Variants in NF1 observed in about 807,000 individuals in gnomAD.
NF1 encodes the protein neurofibromin 1.
In NF1, 122 loss-of-function variants were observed where a neutral mutation model predicts 325.7. That is an observed-to-expected ratio of 0.37 (90% CI 0.32 to 0.44). NF1 has a LOEUF of 0.44. NF1 is among the 20% of genes least tolerant of loss of function. NF1 has a pLI of 1.00. For synonymous variants in NF1, 1,091 were observed against 1,186.0 expected, an observed-to-expected ratio of 0.92 and a Z score of 1.65; for missense variants, 2,140 against 3,415.4, an observed-to-expected ratio of 0.63 and a Z score of 9.31.
At chr17:31,182,720 C>T (rs2143787950) in intron 8 of NF1, 55 bp downstream of exon 8, 2 of 1,513,154 alleles carry the variant, frequency 1.3e-6, no homozygotes, top group East Asian at 2.3e-5. Context: ...GTTTATTTTA[C>T]TCAAGGTGTG....
intron 14 of NF1, among the ~76,000 whole-genome samples, chr17:31,221,454 A>G (rs1035015272): frequency 6.6e-6 from 1 of 152,114 alleles, no homozygotes; most frequent in Non-Finnish European, 1.5e-5. Context: ...AGATAAGTAA[A>G]TCTTTTGCTG....
Position 31,340,559 on chromosome 17 carries a change from G to C in NF1, c.6976G>C (p.Asp2326His), listed in dbSNP as rs1374858930. 2 of 1,614,144 alleles carry C rather than the reference G, an allele frequency of 1.2e-6. No individual in the cohort carries two copies. Among genetic ancestry groups the C allele is most frequent in the Non-Finnish European group, 1.7e-6 (2 of 1,180,014 alleles). The change falls in exon 47 of 58, where the codon GAT becomes CAT. Residue 2326 changes from aspartate (D) to histidine (H), a missense_variant. By Grantham distance (81) the Asp-to-His change is moderately conservative (BLOSUM62 -1). Around this residue, in one of 10 missense-constraint regions of NF1, gnomAD observed 522 missense variants for 749.0 expected, o/e 0.70. Coordinates refer to ENST00000358273, the MANE Select transcript of NF1 (RefSeq NM_001042492.3). ...GGTAGCTGTGGCTGTGCTGCAGCTT[G>C]ATGAGGTCAACTTGTATTCAGCAGG... is the stretch of plus-strand genomic sequence containing the variant. ...FWVAVAVLQL[D>H]EVNLYSAGTA...
At chr17:31,342,937 C>T (rs1375693888) in intron 47 of NF1, 72 bp from the exon 48 acceptor site, 1 of 1,580,540 alleles carries the variant, frequency 6.3e-7, no homozygotes, top group Non-Finnish European at 8.7e-7. Flanking sequence ...CTATTGAACA[C>T]AAAATTAAGT....
intron 1 of NF1, among the ~76,000 whole-genome samples, chr17:31,129,340 CT>C (rs1915154612): frequency 6.6e-6 from 1 of 151,632 alleles, no homozygotes; most frequent in South Asian, 2.1e-4. Flanking sequence ...CCTTTTCATT[CT>C]TTTGTCTTTA....
At position 31,288,570 on chromosome 17, in the gene NF1, C is replaced by G. The variant is rs146187106; in HGVS notation, c.4835+23231C>G. Among the ~76,000 whole-genome samples, 920 of 136,668 alleles carry G rather than the reference C, an allele frequency of 6.7e-3. 14 individuals carry two copies. The highest frequency in any genetic ancestry group is 0.022 in the African/African-American group (862 of 38,474). The allele number at this position is 136,668 out of a possible 152,430, so 89.7% of individuals were successfully genotyped here. Reference sequence around the variant, plus strand: ...TTGGAGTGGGAGACAGAGTCTTGCTCTTGTCACCCAGGCTGGAGTGCAGTG... The same window carrying G: ...TTGGAGTGGGAGACAGAGTCTTGCTGTTGTCACCCAGGCTGGAGTGCAGTG... On this transcript the variant is annotated intron_variant, in intron 36 of 57. Coordinates refer to ENST00000358273, the MANE Select transcript of NF1 (RefSeq NM_001042492.3).
chr17:31,280,897 CT>C (rs573238829), intron 36 of NF1, among the ~76,000 whole-genome samples: 24 of 149,564 alleles, frequency 1.6e-4, no homozygotes, highest in Admixed American at 5.3e-4. Context: ...TTTTTATAGA[CT>C]TTTTTTTCTT....
chr17:31,247,924 C>T (rs138348825), intron 29 of NF1, among the ~76,000 whole-genome samples: 173 of 152,228 alleles, frequency 1.1e-3, no homozygotes, highest in African/African-American at 3.9e-3. Context: ...ATCATTCAGC[C>T]GGGCGTGGTG....
At chr17:31,316,711 C>T (rs986580433) in intron 36 of NF1, among the ~76,000 whole-genome samples, 1 of 152,116 alleles carries the variant, frequency 6.6e-6, no homozygotes, top group Admixed American at 6.6e-5. Flanking sequence ...TTTCAGTCAC[C>T]ATGACTGGCA....
At chr17:31,283,985 A>G (rs2068175239) in intron 36 of NF1, among the ~76,000 whole-genome samples, 1 of 152,242 alleles carries the variant, frequency 6.6e-6, no homozygotes, top group Non-Finnish European at 1.5e-5. Context: ...TTTGCCTTGT[A>G]CAACAAAGAT....
At chr17:31,317,677 C>T (rs888531052) in intron 36 of NF1, 1 of 151,972 alleles carries the variant, frequency 6.6e-6, no homozygotes, top group African/African-American at 2.4e-5. Context: ...CAGGTTTATT[C>T]TGAGTTTTAA....
At chr17:31,135,885 T>C (rs1159072829) in intron 1 of NF1, among the ~76,000 whole-genome samples, 1 of 152,080 alleles carries the variant, frequency 6.6e-6, no homozygotes, top group Non-Finnish European at 1.5e-5. Flanking sequence ...CTCTGCCATT[T>C]TCTTATGTGC....
At chr17:31,288,027 C>T (rs1239522299) in intron 36 of NF1, among the ~76,000 whole-genome samples, 1 of 151,398 alleles carries the variant, frequency 6.6e-6, no homozygotes, top group East Asian at 1.9e-4. Context: ...CACATGTATA[C>T]ATATGTAACT....
intron 12 of NF1, among the ~76,000 whole-genome samples, chr17:31,213,300 C>T (rs1481398585): frequency 6.6e-6 from 1 of 152,208 alleles, no homozygotes; most frequent in Non-Finnish European, 1.5e-5. Flanking sequence ...TATTTCTCTT[C>T]TGTAGTGACA....
At chr17:31,363,157 A>C (rs2151590703) in intron 57 of NF1, among the ~76,000 whole-genome samples, 2 of 152,264 alleles carry the variant, frequency 1.3e-5, no homozygotes. Flanking sequence ...CCTGTCACTC[A>C]ATTGTGTGTC....
intron 36 of NF1, among the ~76,000 whole-genome samples, chr17:31,312,470 G>C (rs2068901750): frequency 6.7e-6 from 1 of 149,656 alleles, no homozygotes; most frequent in South Asian, 2.1e-4. Flanking sequence ...TGTGAGCCAA[G>C]ATGGTGCCGC....
chr17:31,374,086 C>T lies in NF1; in HGVS notation c.8451C>T (p.Ser2817=), dbSNP rs547090599. 57 of 1,614,070 alleles carry T rather than the reference C, an allele frequency of 3.5e-5. No homozygotes were observed. The South Asian group carries it at 4.5e-4, about 13-fold the overall frequency. ...HCNSGRTRHG[S]ASQVQKQRSA... is the part of the protein sequence containing the mutation. ...ACAGTGGACGAACTCGCCACGGATC[C>T]GCAAGCCAAGTGCAGAAGCAAAGAA... The change falls in exon 58 of 58, where the codon TCC becomes TCT. Residue 2817 remains serine (S), a synonymous_variant. Coordinates refer to ENST00000358273, the MANE Select transcript of NF1 (RefSeq NM_001042492.3).
chr17:31,189,609 G>C lies in NF1; in HGVS notation c.888+6944G>C, dbSNP rs373432673. Among the ~76,000 whole-genome samples, 5 of 152,160 alleles carry C rather than the reference G, an allele frequency of 3.3e-5. No homozygotes were observed. The East Asian group carries it at 9.6e-4, about 29-fold the overall frequency. On this transcript the variant is annotated intron_variant, in intron 8 of 57. Coordinates refer to ENST00000358273, the MANE Select transcript of NF1 (RefSeq NM_001042492.3). ...TATAGATTTACTTAATTCTAAACTA[G>C]ACATTTCATACAAATGGAATCATTC... is the stretch of plus-strand genomic sequence containing the variant.
rs750488772 is a variant in NF1, at chr17:31,229,840, A to G, written c.2856A>G (p.Leu952=). The change falls in exon 22 of 58, where the codon TTA becomes TTG. Residue 952 remains leucine (L), a synonymous_variant. Transcript: ENST00000358273. ...SKFFDSQGQV[L]LTDTNTQFVE... ...TGTATTTGTTCTTTCTTTAGGTTTTATTGACTGATACCAATACTCAATTTG... is the reference window on the plus strand; with the variant it reads ...TGTATTTGTTCTTTCTTTAGGTTTTGTTGACTGATACCAATACTCAATTTG... The G allele has an allele frequency of 6.2e-7, 1 of 1,611,614 alleles. No homozygotes were observed. The highest frequency in any genetic ancestry group is 1.1e-5 in the South Asian group (1 of 90,982).
chr17:31,355,252 A>G (rs73277716), intron 51 of NF1, among the ~76,000 whole-genome samples: 3,189 of 152,284 alleles, frequency 0.021, 135 homozygotes, highest in African/African-American at 0.072. Context: ...TAGTGTCCCA[A>G]TCTCATGTAC....
Sources: allele counts gnomAD v4.1 joint callset (sites outside exome capture counted in the v4.1 genomes callset), GRCh38; gene constraint gnomAD v4.1.1; regional missense constraint gnomAD v4.1.1; transcripts MANE v1.5; gene names NCBI Gene and HGNC (gene_info 2026-07-23, HGNC 2026-07-21).